Variants in GALNTL6 observed in about 807,000 individuals in gnomAD.
GALNTL6 encodes polypeptide N-acetylgalactosaminyltransferase like 6.
A neutral mutation model predicts 73.7 loss-of-function variants in GALNTL6; 46 were observed. The ratio of observed to expected loss-of-function variants is 0.62; its 90% CI spans 0.49 to 0.80. The LOEUF (loss-of-function observed/expected upper bound fraction) is 0.80. Among genes scored for constraint, GALNTL6 ranks in the 30% least tolerant of loss-of-function variants. The probability of loss-of-function intolerance (pLI) is 0.00; values close to 1 mark genes in which losing one functional copy is unlikely to be tolerated. For synonymous variants in GALNTL6, 259 were observed against 263.7 expected, an observed-to-expected ratio of 0.98 and a Z score of 0.17; for missense variants, 604 against 755.0, an observed-to-expected ratio of 0.80 and a Z score of 2.34.
intron 5 of GALNTL6, among the ~76,000 whole-genome samples, chr4:172,441,998 C>T (rs1401810039): frequency 6.6e-6 from 1 of 152,084 alleles, no homozygotes; most frequent in Non-Finnish European, 1.5e-5. Flanking sequence ...ATAGACCCTT[C>T]TCTGCTAGTT....
At chr4:171,973,117 T>A (rs969174311) in intron 2 of GALNTL6, among the ~76,000 whole-genome samples, 4 of 152,160 alleles carry the variant, frequency 2.6e-5, no homozygotes, top group Non-Finnish European at 5.9e-5. Flanking sequence ...GCTGACCCAC[T>A]TCACATTTTT....
At chr4:172,456,180 A>G (rs1055985485) in intron 5 of GALNTL6, among the ~76,000 whole-genome samples, 1 of 152,160 alleles carries the variant, frequency 6.6e-6, no homozygotes, top group Non-Finnish European at 1.5e-5. Context: ...CATTCACACA[A>G]AAAAACCATC....
intron 2 of GALNTL6, among the ~76,000 whole-genome samples, chr4:171,837,355 G>A (rs1160982776): frequency 6.6e-6 from 1 of 151,890 alleles, no homozygotes; most frequent in Admixed American, 6.6e-5. Flanking sequence ...GAGTGAACTA[G>A]ATCACATTTG....
At chr4:171,938,753 C>A (rs536963214) in intron 2 of GALNTL6, among the ~76,000 whole-genome samples, 35 of 152,140 alleles carry the variant, frequency 2.3e-4, no homozygotes, top group South Asian at 6.2e-4. Context: ...GTGAAAGAAG[C>A]ATTAGAATTT....
intron 4 of GALNTL6, among the ~76,000 whole-genome samples, chr4:172,336,942 C>T (rs1485961387): frequency 1.3e-5 from 2 of 152,100 alleles, no homozygotes; most frequent in South Asian, 2.1e-4. Flanking sequence ...CATTGGTACG[C>T]GTATATTTAG....
intron 2 of GALNTL6, among the ~76,000 whole-genome samples, chr4:172,210,617 G>T (rs550815454): frequency 6.6e-6 from 1 of 152,190 alleles, no homozygotes; most frequent in East Asian, 1.9e-4. Context: ...CATATCCAGG[G>T]TATATAATAT....
intron 8 of GALNTL6, among the ~76,000 whole-genome samples, chr4:172,889,579 C>G (rs761077178): frequency 1.8e-4 from 27 of 152,200 alleles, no homozygotes; most frequent in Admixed American, 3.3e-4. Context: ...ATATGTTGAA[C>G]CAGCCTTACA....
chr4:172,827,112 C>G (rs1742312125), intron 7 of GALNTL6, among the ~76,000 whole-genome samples: 10 of 152,198 alleles, frequency 6.6e-5, no homozygotes, highest in Admixed American at 6.5e-4. Flanking sequence ...TCCATCTGCT[C>G]TCTTGCATGG....
intron 5 of GALNTL6, among the ~76,000 whole-genome samples, chr4:172,591,211 T>G (rs1192632740): frequency 6.6e-6 from 1 of 152,222 alleles, no homozygotes; most frequent in Non-Finnish European, 1.5e-5. Context: ...GGCAATTAAT[T>G]CTTCTCAGTT....
At chr4:172,378,989 A>G (rs182488653) in intron 5 of GALNTL6, among the ~76,000 whole-genome samples, 29 of 152,286 alleles carry the variant, frequency 1.9e-4, no homozygotes, top group African/African-American at 6.7e-4. Context: ...GTTTATTTTC[A>G]TTTTCATTTA....
intron 2 of GALNTL6, among the ~76,000 whole-genome samples, chr4:171,898,362 C>T (rs1260743609): frequency 6.6e-6 from 1 of 152,052 alleles, no homozygotes; most frequent in Non-Finnish European, 1.5e-5. Context: ...TAGGTATCTA[C>T]CCAAGAGAAA....
intron 7 of GALNTL6, among the ~76,000 whole-genome samples, chr4:172,842,831 A>G (rs1456186080): frequency 6.6e-6 from 1 of 152,078 alleles, no homozygotes; most frequent in Non-Finnish European, 1.5e-5. Flanking sequence ...CTCCTGACCA[A>G]AAAAGGACCC....
intron 2 of GALNTL6, among the ~76,000 whole-genome samples, chr4:172,077,351 A>C (rs1731731732): frequency 6.6e-6 from 1 of 152,234 alleles, no homozygotes. Context: ...GATTTTGACC[A>C]AAATGCTGCT....
At chr4:171,926,804 T>C (rs1184697507) in intron 2 of GALNTL6, among the ~76,000 whole-genome samples, 1 of 152,172 alleles carries the variant, frequency 6.6e-6, no homozygotes, top group African/African-American at 2.4e-5. Flanking sequence ...TTGAGATATA[T>C]GTTTTCCTTC....
At chr4:171,885,837 T>C (rs1736593083) in intron 2 of GALNTL6, among the ~76,000 whole-genome samples, 1 of 152,262 alleles carries the variant, frequency 6.6e-6, no homozygotes, top group South Asian at 2.1e-4. Context: ...TAAATTAAAA[T>C]TGTAAGTACC....
chr4:172,444,918 C>T (rs1035945404), intron 5 of GALNTL6, among the ~76,000 whole-genome samples: 2 of 152,058 alleles, frequency 1.3e-5, no homozygotes, highest in Non-Finnish European at 2.9e-5. Flanking sequence ...GGTCCCAAGC[C>T]AGGATATTCT....
chr4:172,295,388 C>T (rs1400076582), intron 3 of GALNTL6, among the ~76,000 whole-genome samples: 1 of 149,320 alleles, frequency 6.7e-6, no homozygotes, highest in Non-Finnish European at 1.5e-5. Flanking sequence ...CACCACTGCA[C>T]TCGAGCCTGG....
intron 7 of GALNTL6, among the ~76,000 whole-genome samples, chr4:172,845,795 T>C (rs1421934748): frequency 2.0e-5 from 3 of 152,220 alleles, no homozygotes; most frequent in African/African-American, 7.2e-5. Context: ...ATTTTTTTTA[T>C]GTTAATTCTC....
intron 8 of GALNTL6, among the ~76,000 whole-genome samples, chr4:172,896,037 T>C (rs1430379745): frequency 6.6e-6 from 1 of 152,254 alleles, no homozygotes; most frequent in Admixed American, 6.5e-5. Context: ...GTATTTCCTT[T>C]AGGTTCGTTG....
Sources: gnomAD v4.1 joint callset for allele counts (sites outside exome capture counted in the v4.1 genomes callset) on GRCh38, gnomAD v4.1.1 for gene constraint, MANE v1.5 for transcripts, NCBI Gene and HGNC (gene_info 2026-07-23, HGNC 2026-07-21) for gene names.